ENTREP2: variants seen among roughly 807,000 people sequenced by gnomAD.
ENTREP2 encodes the protein protein ENTREP2.
the ENTREP2 span, among the ~76,000 whole-genome samples, chr15:29,532,287 T>G: frequency 6.6e-6 from 1 of 152,160 alleles, no homozygotes; most frequent in East Asian, 1.9e-4. Context: ...TACTAAAACT[T>G]TGAAATATAT....
the ENTREP2 span, among the ~76,000 whole-genome samples, chr15:29,602,008 C>T: frequency 1.3e-5 from 2 of 152,208 alleles, no homozygotes; most frequent in African/African-American, 4.8e-5. Context: ...CATGCAATGA[C>T]TCACAGTTAA....
At chr15:29,655,993 C>T in the ENTREP2 span, among the ~76,000 whole-genome samples, 1 of 148,124 alleles carries the variant, frequency 6.8e-6, no homozygotes, top group Non-Finnish European at 1.5e-5. Flanking sequence ...CACCGCACTC[C>T]AGCCCGGGTG....
the ENTREP2 span, among the ~76,000 whole-genome samples, chr15:29,369,381 A>C: frequency 2.0e-5 from 3 of 152,268 alleles, no homozygotes; most frequent in Admixed American, 6.5e-5. Flanking sequence ...ATTAACAGCT[A>C]GTTTCTCATT....
chr15:29,353,505 G>T, the ENTREP2 span, among the ~76,000 whole-genome samples: 1 of 152,156 alleles, frequency 6.6e-6, no homozygotes, highest in Admixed American at 6.5e-5. Context: ...ATGTCTATGG[G>T]TGTGTGTATG....
chr15:29,375,403 C>A, the ENTREP2 span: 1 of 152,314 alleles, frequency 6.6e-6, no homozygotes, highest in Non-Finnish European at 1.5e-5. Flanking sequence ...ATCTCCAGAA[C>A]CCTCTACTTG....
the ENTREP2 span, among the ~76,000 whole-genome samples, chr15:29,190,153 C>A: frequency 6.6e-6 from 1 of 152,164 alleles, no homozygotes; most frequent in African/African-American, 2.4e-5. Context: ...CTCTGGGCTG[C>A]AGCCTTCACA....
At chr15:29,304,565 C>A in the ENTREP2 span, among the ~76,000 whole-genome samples, 7 of 152,204 alleles carry the variant, frequency 4.6e-5, no homozygotes, top group Non-Finnish European at 1.0e-4. Context: ...TCCTTCAAGA[C>A]CTCCCTTGCA....
At chr15:29,285,879 G>A in the ENTREP2 span, among the ~76,000 whole-genome samples, 1 of 152,130 alleles carries the variant, frequency 6.6e-6, no homozygotes, top group East Asian at 1.9e-4. Context: ...AGGAAATAAG[G>A]TTGGTTCAAC....
chr15:29,636,834 C>T, the ENTREP2 span, among the ~76,000 whole-genome samples: 18 of 152,288 alleles, frequency 1.2e-4, no homozygotes, highest in Admixed American at 6.5e-4. Context: ...GACTGAAATG[C>T]TCAAGATGGT....
chr15:29,160,393 G>A, the ENTREP2 span, among the ~76,000 whole-genome samples: 3 of 152,116 alleles, frequency 2.0e-5, no homozygotes, highest in South Asian at 2.1e-4. Flanking sequence ...AGGAGGCACC[G>A]AGAGCCAGGG....
At chr15:29,294,209 G>A in the ENTREP2 span, among the ~76,000 whole-genome samples, 1 of 152,180 alleles carries the variant, frequency 6.6e-6, no homozygotes, top group Non-Finnish European at 1.5e-5. Flanking sequence ...ACAGGGAGGG[G>A]AAAGCACATT....
the ENTREP2 span, among the ~76,000 whole-genome samples, chr15:29,157,828 C>T: frequency 1.1e-4 from 17 of 151,388 alleles, no homozygotes; most frequent in South Asian, 3.3e-3. Flanking sequence ...CTCCCAACTT[C>T]AAGTGATTCT....
chr15:29,262,741 T>C, the ENTREP2 span, among the ~76,000 whole-genome samples: 1 of 152,224 alleles, frequency 6.6e-6, no homozygotes, highest in Non-Finnish European at 1.5e-5. Context: ...AAAGAGGACA[T>C]CATCAGAACC....
At chr15:29,296,082 A>G in the ENTREP2 span, among the ~76,000 whole-genome samples, 21 of 152,166 alleles carry the variant, frequency 1.4e-4, no homozygotes, top group Non-Finnish European at 3.1e-4. Flanking sequence ...TTTGGATCGA[A>G]CTGTAACTCT....
chr15:29,139,861 G>T, the ENTREP2 span, among the ~76,000 whole-genome samples: 1 of 152,170 alleles, frequency 6.6e-6, no homozygotes, highest in Non-Finnish European at 1.5e-5. Flanking sequence ...TGTTTAATTA[G>T]GTCTGGGTGT....
the ENTREP2 span, among the ~76,000 whole-genome samples, chr15:29,621,231 T>TA: frequency 1.3e-5 from 2 of 148,924 alleles, no homozygotes; most frequent in Non-Finnish European, 3.0e-5. Flanking sequence ...CTACTAAAAA[T>TA]AAAAAAAATA....
At chr15:29,178,906 T>G in the ENTREP2 span, among the ~76,000 whole-genome samples, 1 of 152,226 alleles carries the variant, frequency 6.6e-6, no homozygotes, top group African/African-American at 2.4e-5. Flanking sequence ...CAGATCATCT[T>G]GTATTTGAGA....
the ENTREP2 span, among the ~76,000 whole-genome samples, chr15:29,607,955 C>T: frequency 5.9e-5 from 9 of 152,068 alleles, no homozygotes; most frequent in Admixed American, 4.6e-4. Flanking sequence ...CAAGGAGAGC[C>T]GGTCCGAGTC....
chr15:29,128,103 G>A, the ENTREP2 span, among the ~76,000 whole-genome samples: 1 of 152,240 alleles, frequency 6.6e-6, no homozygotes, highest in Non-Finnish European at 1.5e-5. Flanking sequence ...CTGGCCCTCT[G>A]TGGGATCACA....
Sources: gnomAD v4.1 joint callset for allele counts (sites outside exome capture counted in the v4.1 genomes callset) on GRCh38, gnomAD v4.1.1 for gene constraint, MANE v1.5 for transcripts, NCBI Gene and HGNC (gene_info 2026-07-23, HGNC 2026-07-21) for gene names.